Variants in KLF12 observed in about 807,000 individuals in gnomAD.
The protein encoded by KLF12 is Krueppel-like factor 12.
KLF12 carries 9 observed loss-of-function variants against 37.8 expected under a neutral mutation model. That is an observed-to-expected ratio of 0.24 (90% confidence interval 0.14 to 0.42). The LOEUF is 0.42. Among genes scored for constraint, KLF12 ranks in the 10% least tolerant of loss-of-function variants. The pLI is 1.00. For missense variants in KLF12, 411 were observed against 516.0 expected (o/e 0.80, Z 1.97); for synonymous variants, 208 against 202.1 (o/e 1.03, Z -0.25).
In KLF12 at chr13:73,970,918, T is replaced by C. The variant is rs560112965; in HGVS notation, c.33+24072A>G. Among the ~76,000 whole-genome samples the C allele has an allele frequency of 2.0e-5, 3 of 151,900 alleles. No individual in the cohort carries two copies. In the South Asian group the frequency reaches 6.2e-4, roughly 32 times the overall value. On this transcript the variant is annotated intron_variant, in intron 2 of 7. Coordinates refer to ENST00000377669, the MANE Select transcript of KLF12 (RefSeq NM_007249.5). ...TCAAGGGCTCAAAGCAGCAGAAGGG[T>C]GGGGAATGTTTTTAAACAAAATTGC...
chr13:74,269,812 A>C, the KLF12 span, among the ~76,000 whole-genome samples: 2 of 152,180 alleles, frequency 1.3e-5, no homozygotes, highest in African/African-American at 4.8e-5. Flanking sequence ...CGTGATCTAA[A>C]TTTGGATAAT....
intron 3 of KLF12, among the ~76,000 whole-genome samples, chr13:73,893,691 T>C (rs139350982): frequency 1.6e-4 from 24 of 152,258 alleles, no homozygotes; most frequent in African/African-American, 5.5e-4. Flanking sequence ...CTAATATTGA[T>C]TGTTTACTGT....
chr13:74,178,873 A>G, the KLF12 span, among the ~76,000 whole-genome samples: 11 of 152,018 alleles, frequency 7.2e-5, no homozygotes, highest in Non-Finnish European at 1.3e-4. Flanking sequence ...CTGGAATTCC[A>G]TTTTTGCCTC....
At chr13:74,170,907 G>A in the KLF12 span, among the ~76,000 whole-genome samples, 1 of 152,270 alleles carries the variant, frequency 6.6e-6, no homozygotes, top group Admixed American at 6.5e-5. Flanking sequence ...TGGGATTGCA[G>A]GTGTGAGCCA....
chr13:74,027,649 T>TG (rs1893010984), intron 1 of KLF12, among the ~76,000 whole-genome samples: 1 of 152,204 alleles, frequency 6.6e-6, no homozygotes, highest in Non-Finnish European at 1.5e-5. Context: ...TGTAGTGACT[T>TG]GGGCTTCAGA....
At chr13:73,775,013 G>A (rs760468614) in intron 5 of KLF12, among the ~76,000 whole-genome samples, 15 of 151,538 alleles carry the variant, frequency 9.9e-5, no homozygotes, top group Middle Eastern at 6.8e-3. Context: ...TGCCTCCTGG[G>A]TTCAGGTGAT....
chr13:73,817,318 C>CAAAAAAAA (rs749318816), intron 4 of KLF12, among the ~76,000 whole-genome samples: 18 of 52,214 alleles, frequency 3.4e-4, no homozygotes, highest in African/African-American at 8.4e-4. Flanking sequence ...GATCCTGTTT[C>CAAAAAAAA]AAAAAAAAAA....
At chr13:74,071,229 A>G (rs1467882254) in intron 1 of KLF12, among the ~76,000 whole-genome samples, 2 of 152,284 alleles carry the variant, frequency 1.3e-5, no homozygotes, top group East Asian at 1.9e-4. Flanking sequence ...TTATAACACC[A>G]TTTGTCCATC....
chr13:73,983,480 A>T (rs1003827059), intron 2 of KLF12, among the ~76,000 whole-genome samples: 1 of 152,176 alleles, frequency 6.6e-6, no homozygotes, highest in Non-Finnish European at 1.5e-5. Flanking sequence ...GTGTCCTCCC[A>T]GTTACTGCCT....
At chr13:73,963,973 G>A (rs9543501) in intron 2 of KLF12, among the ~76,000 whole-genome samples, 123,372 of 152,098 alleles carry the variant, frequency 0.81, 51,181 homozygotes, top group Non-Finnish European at 0.91. Context: ...GGGATTATGA[G>A]GTGGAACTTA....
rs530483930 is a variant in KLF12 at position 73,709,098 on chromosome 13, C to G, written c.1027+6270G>C. Among the ~76,000 whole-genome samples the G allele has an allele frequency of 2.6e-5, 4 of 152,276 alleles. No individual in the cohort carries two copies. The South Asian group carries it at 8.3e-4, about 32-fold the overall frequency. On this transcript the variant is annotated intron_variant, in intron 7 of 7. Coordinates refer to ENST00000377669, the MANE Select transcript of KLF12 (RefSeq NM_007249.5). Reference sequence around the variant, plus strand: ...CGTGTTATTATCTAAACTGTACACTCATGAAAATATACTTATTTTTAATTT... The same window carrying G: ...CGTGTTATTATCTAAACTGTACACTGATGAAAATATACTTATTTTTAATTT...
intron 6 of KLF12, among the ~76,000 whole-genome samples, chr13:73,764,466 A>G (rs1157037234): frequency 2.4e-5 from 3 of 124,818 alleles, no homozygotes. Flanking sequence ...AGATCTTAGT[A>G]CTCCCCAAAT....
intron 3 of KLF12, among the ~76,000 whole-genome samples, chr13:73,851,873 T>C (rs1212626011): frequency 6.6e-6 from 1 of 152,190 alleles, no homozygotes; most frequent in African/African-American, 2.4e-5. Flanking sequence ...ACTAGTATAT[T>C]TTAGGTGAAG....
At chr13:73,775,625 AGTT>A (rs750350098) in intron 5 of KLF12, among the ~76,000 whole-genome samples, 3 of 152,216 alleles carry the variant, frequency 2.0e-5, no homozygotes, top group Non-Finnish European at 4.4e-5. Flanking sequence ...TACTTTATTT[AGTT>A]GTTAGAGTGG....
chr13:73,833,926 T>G (rs909639277), intron 4 of KLF12, among the ~76,000 whole-genome samples: 3 of 152,168 alleles, frequency 2.0e-5, no homozygotes, highest in Non-Finnish European at 4.4e-5. Flanking sequence ...ACGTCTACAC[T>G]GGCCACACAG....
intron 6 of KLF12, among the ~76,000 whole-genome samples, chr13:73,763,401 C>T (rs905960588): frequency 2.6e-5 from 4 of 152,142 alleles, no homozygotes; most frequent in African/African-American, 9.7e-5. Flanking sequence ...GTGCTTCTTA[C>T]AGTGCCTGGG....
chr13:73,917,348 T>C (rs1334863006), intron 3 of KLF12, among the ~76,000 whole-genome samples: 2 of 152,294 alleles, frequency 1.3e-5, no homozygotes, highest in East Asian at 3.9e-4. Context: ...ACACTAACCT[T>C]TCCAATGCCT....
chr13:74,235,588 A>G, the KLF12 span, among the ~76,000 whole-genome samples: 1 of 152,218 alleles, frequency 6.6e-6, no homozygotes, highest in Non-Finnish European at 1.5e-5. Context: ...CTATAAAAAT[A>G]AAATACTACA....
chr13:74,211,025 T>C, the KLF12 span, among the ~76,000 whole-genome samples: 8 of 152,190 alleles, frequency 5.3e-5, no homozygotes, highest in African/African-American at 1.7e-4. Flanking sequence ...TGAGATCTTA[T>C]TGGAGTCTGT....
Sources: gnomAD v4.1 joint callset for allele counts (sites outside exome capture counted in the v4.1 genomes callset) on GRCh38, gnomAD v4.1.1 for gene constraint, MANE v1.5 for transcripts, NCBI Gene and HGNC (gene_info 2026-07-23, HGNC 2026-07-21) for gene names.